RNF8: variants seen among roughly 807,000 people sequenced by gnomAD.
RNF8 encodes the protein E3 ubiquitin-protein ligase RNF8.
RNF8 carries 8 observed loss-of-function variants against 59.3 expected under a neutral mutation model. That is an observed-to-expected ratio of 0.13 (90% CI 0.08 to 0.24). RNF8 has a LOEUF of 0.24. Among genes scored for constraint, RNF8 ranks in the 10% least tolerant of loss-of-function variants. The probability of loss-of-function intolerance (pLI) is 1.00; values close to 1 mark genes in which losing one functional copy is unlikely to be tolerated. For synonymous variants in RNF8, 162 were observed against 200.0 expected (o/e 0.81, Z 1.60); for missense variants, 406 against 572.6 (o/e 0.71, Z 2.97).
intron 1 of RNF8, among the ~76,000 whole-genome samples, chr6:37,356,812 T>G (rs1168448813): frequency 6.6e-6 from 1 of 152,166 alleles, no homozygotes; most frequent in Non-Finnish European, 1.5e-5. Context: ...TGCAGTGGTG[T>G]GATCACACCT....
intron 5 of RNF8, among the ~76,000 whole-genome samples, chr6:37,376,561 C>T (rs921543358): frequency 6.6e-6 from 1 of 152,076 alleles, no homozygotes; most frequent in African/African-American, 2.4e-5. Flanking sequence ...CCTTGGGCCC[C>T]TTTAAGGCCA....
intron 2 of RNF8, among the ~76,000 whole-genome samples, chr6:37,367,589 A>G (rs1769612649): frequency 6.6e-6 from 1 of 152,100 alleles, no homozygotes; most frequent in African/African-American, 2.4e-5. Flanking sequence ...TTTTTAGTAG[A>G]GAGGTGGTCT....
intron 2 of RNF8, among the ~76,000 whole-genome samples, chr6:37,366,518 G>A (rs980386129): frequency 1.3e-5 from 2 of 152,050 alleles, no homozygotes; most frequent in African/African-American, 4.8e-5. Context: ...CCAATGCACA[G>A]TGGGTTAAGA....
intron 2 of RNF8, among the ~76,000 whole-genome samples, chr6:37,365,744 G>A (rs1197185876): frequency 6.6e-6 from 1 of 152,168 alleles, no homozygotes; most frequent in East Asian, 1.9e-4. Flanking sequence ...ATTTTCTGCT[G>A]CTAGCATTGT....
chr6:37,367,107 T>A (rs555832046), intron 2 of RNF8, among the ~76,000 whole-genome samples: 1 of 152,352 alleles, frequency 6.6e-6, no homozygotes, highest in South Asian at 2.1e-4. Context: ...ATGAATCAGT[T>A]GAACCAAGGC....
At chr6:37,364,032 A>T (rs1475209549) in intron 2 of RNF8, among the ~76,000 whole-genome samples, 1 of 152,034 alleles carries the variant, frequency 6.6e-6, no homozygotes, top group Non-Finnish European at 1.5e-5. Context: ...ATAAAAAATT[A>T]GCCAGGCGTG....
chr6:37,388,742 C>G (rs1009693521), intron 7 of RNF8, among the ~76,000 whole-genome samples: 21 of 150,716 alleles, frequency 1.4e-4, no homozygotes, highest in African/African-American at 5.1e-4. Context: ...AGTTCAAGAC[C>G]AGCCTGGGCA....
At chr6:37,354,410 C>CGG in intron 1 of RNF8, 135 bp downstream of exon 1, 1 of 673,506 alleles carries the variant, frequency 1.5e-6, no homozygotes, top group African/African-American at 2.0e-5. Flanking sequence ...AGCGAAGTGT[C>CGG]TGTGGGGGGG....
At chr6:37,362,738 T>C (rs1769376721) in intron 2 of RNF8, among the ~76,000 whole-genome samples, 2 of 152,256 alleles carry the variant, frequency 1.3e-5, no homozygotes, top group African/African-American at 4.8e-5. Context: ...CAAATCTTTT[T>C]CAAGAGATAG....
rs195418 is a variant in RNF8 at position 37,360,223 on chromosome 6, C to T, written c.112-223C>T. On this transcript the variant is annotated intron_variant, in intron 1 of 7. Transcript: ENST00000373479. This position sits in a 1 kb window ranked among gnomAD's most constrained non-coding sequence, Gnocchi z 4.2. ...TGGCAACCCTGAGATACATGGATAA[C>T]TCTTTTTCAGCTTTCTCTTGTTGTC... Among the ~76,000 whole-genome samples the T allele has an allele frequency of 0.15, 23,435 of 152,134 alleles. 5,761 individuals carry two copies. Among genetic ancestry groups the T allele is most frequent in the African/African-American group, 0.52 (21,679 of 41,406 alleles).
At chr6:37,356,032 T>G (rs984517701) in intron 1 of RNF8, among the ~76,000 whole-genome samples, 1 of 152,214 alleles carries the variant, frequency 6.6e-6, no homozygotes, top group Non-Finnish European at 1.5e-5. Flanking sequence ...TTATGACTTC[T>G]GAATAGCTTG....
rs555300068 is a variant in RNF8, at chr6:37,360,130, G to A, written c.112-316G>A. Among the ~76,000 whole-genome samples the A allele has an allele frequency of 1.1e-4, 16 of 152,312 alleles. No individual in the cohort carries two copies. Among genetic ancestry groups the A allele is most frequent in the South Asian group, 8.3e-4 (4 of 4,826 alleles). ...GTAAAGTTACTGACAGTATTTATGC[G>A]TTGATGGGATGTGTAGAAAGAATTC... is the stretch of plus-strand genomic sequence containing the variant. On this transcript the variant is annotated intron_variant, in intron 1 of 7. Transcript: ENST00000373479. The surrounding 1 kb of genome is among the most constrained non-coding windows in gnomAD (Gnocchi z 4.2).
Position 37,393,561 on chromosome 6 carries a change from TG to T in RNF8, c.*2805del, listed in dbSNP as rs1274139489. The T allele has an allele frequency of 1.3e-5, 2 of 152,256 alleles. No individual in the cohort carries two copies. The highest frequency in any genetic ancestry group is 4.1e-4 in the South Asian group (2 of 4,836). The allele number at this position is 152,256 out of a possible 1,614,324, so 9.4% of individuals were successfully genotyped here. On this transcript the variant is annotated 3_prime_UTR_variant, in exon 8 of 8. Transcript: ENST00000373479. Reference sequence around the variant, plus strand: ...TCTTTACAGCAGGGCTCTGGGGAACTGGAAAAGGGGGTTTGTTTCATTATCT... The same window carrying T: ...TCTTTACAGCAGGGCTCTGGGGAACTGAAAAGGGGGTTTGTTTCATTATCT...
chr6:37,358,379 G>T (rs1448222754), intron 1 of RNF8, among the ~76,000 whole-genome samples: 3 of 152,192 alleles, frequency 2.0e-5, no homozygotes, highest in Non-Finnish European at 4.4e-5. Context: ...TTCTATTCCA[G>T]TTACTATTAT....
chr6:37,390,100 A>T (rs564643218), intron 7 of RNF8, among the ~76,000 whole-genome samples: 28 of 152,362 alleles, frequency 1.8e-4, no homozygotes, highest in Admixed American at 8.5e-4. Flanking sequence ...ACACAGGAAG[A>T]ATTCCCGCCT....
At chr6:37,355,550 G>A (rs1175650487) in intron 1 of RNF8, among the ~76,000 whole-genome samples, 2 of 152,168 alleles carry the variant, frequency 1.3e-5, no homozygotes, top group Admixed American at 6.5e-5. Context: ...GTATGATCAA[G>A]TGCTAAGATT....
rs992577020 is a variant in RNF8 at position 37,393,899 on chromosome 6, T to C, written c.*3141T>C. ...CCATCCAGGCAGTCACCATAACTGC[T>C]GGAGTGTCTGGGATTGGTAGCTCTC... On this transcript the variant is annotated 3_prime_UTR_variant, in exon 8 of 8. Coordinates refer to ENST00000373479, the MANE Select transcript of RNF8 (RefSeq NM_003958.4). 6.6e-6 allele frequency: 1 copy of C among 152,250 alleles called. No homozygotes were observed. The highest frequency in any genetic ancestry group is 2.4e-5 in the African/African-American group (1 of 41,442). The allele number at this position is 152,250 out of a possible 1,614,324, so 9.4% of individuals were successfully genotyped here. A position where few individuals can be genotyped will look rare whatever the true frequency, so the allele number is the denominator to read the frequency against.
chr6:37,360,707 C>T lies in RNF8; in HGVS notation c.240+133C>T. 1.2e-6 allele frequency: 1 copy of T among 807,802 alleles called. No individual in the cohort carries two copies. The allele number at this position is 807,802 out of a possible 1,614,324, so 50.0% of individuals were successfully genotyped here. A position where few individuals can be genotyped will look rare whatever the true frequency, so the allele number is the denominator to read the frequency against. ...TTTCCTAGCCATCCAGTTCCCTTTT[C>T]CAGAGGCAGCCACTTCCATATGCTG... On this transcript the variant is annotated intron_variant, in intron 2 of 7. Coordinates refer to ENST00000373479, the MANE Select transcript of RNF8 (RefSeq NM_003958.4). This position sits in a 1 kb window ranked among gnomAD's most constrained non-coding sequence, Gnocchi z 4.2.
At position 37,360,441 on chromosome 6, in the gene RNF8, C is replaced by G; in HGVS notation, c.112-5C>G. 6.2e-7 allele frequency: 1 copy of G among 1,608,752 alleles called. No individual in the cohort carries two copies. On this transcript the variant is annotated splice_region_variant and splice_polypyrimidine_tract_variant and intron_variant, in intron 1 of 7. Coordinates refer to ENST00000373479, the MANE Select transcript of RNF8 (RefSeq NM_003958.4). The surrounding 1 kb of genome is among the most constrained non-coding windows in gnomAD (Gnocchi z 4.2). ...GGTATTTCTTGCATTGTTGTTGTCTCCCAGGTGACTGTAGGACGAGGATTT... is the reference window on the plus strand; with the variant it reads ...GGTATTTCTTGCATTGTTGTTGTCTGCCAGGTGACTGTAGGACGAGGATTT...
Sources: allele counts gnomAD v4.1 joint callset (sites outside exome capture counted in the v4.1 genomes callset), GRCh38; gene constraint gnomAD v4.1.1; non-coding constraint Gnocchi (gnomAD v3.1); transcripts MANE v1.5; gene names NCBI Gene and HGNC (gene_info 2026-07-23, HGNC 2026-07-21).